The following LUC7L variants were observed in gnomAD, a reference collection of about 807,000 sequenced individuals.
LUC7L encodes the protein LUC7 like.
A neutral mutation model predicts 51.1 loss-of-function variants in LUC7L; 29 were observed. The ratio of observed to expected loss-of-function variants is 0.57; its 90% confidence interval spans 0.42 to 0.77. LUC7L has a LOEUF of 0.77. Ranked by LOEUF, LUC7L falls within the 30% of genes least tolerant of loss-of-function variation. The pLI, the probability that LUC7L is intolerant of heterozygous loss-of-function variation, is 0.00. For synonymous variants in LUC7L, 181 were observed against 180.7 expected (o/e 1.00, Z -0.01); for missense variants, 403 against 511.9 (o/e 0.79, Z 2.05).
chr16:194,785 C>T (rs1364710160), intron 6 of LUC7L, among the ~76,000 whole-genome samples: 1 of 152,122 alleles, frequency 6.6e-6, no homozygotes, highest in Non-Finnish European at 1.5e-5. Flanking sequence ...ATGAAAATAC[C>T]GTCAACACAA....
chr16:229,114 C>CCTTG (rs2050206506), intron 1 of LUC7L, 165 bp downstream of exon 1: 1 of 1,402,584 alleles, frequency 7.1e-7, no homozygotes, highest in African/African-American at 1.5e-5. Flanking sequence ...CAGAGACGCA[C>CCTTG]CGGCTTAGAC....
chr16:200,276 T>G (rs1009590799), intron 5 of LUC7L, among the ~76,000 whole-genome samples: 1 of 148,172 alleles, frequency 6.7e-6, no homozygotes, highest in African/African-American at 2.5e-5. Context: ...CAGAAAAAAT[T>G]AGCTGGGCGT....
At chr16:191,002 C>T (rs1173703807) in intron 7 of LUC7L, among the ~76,000 whole-genome samples, 1 of 152,192 alleles carries the variant, frequency 6.6e-6, no homozygotes, top group Non-Finnish European at 1.5e-5. Context: ...TTTCAAGCTG[C>T]CTGCATGTTC....
intron 9 of LUC7L, 99 bp from the exon 10 acceptor site, chr16:189,438 C>A: frequency 1.4e-6 from 2 of 1,459,700 alleles, no homozygotes; most frequent in Non-Finnish European, 1.8e-6. Flanking sequence ...CCAGGCAAGG[C>A]CCTACATCCC....
chr16:224,001 G>C lies in LUC7L; in HGVS notation c.156+3241C>G, dbSNP rs1188692413. 2.0e-5 allele frequency among the ~76,000 whole-genome samples: 3 copies of C among 152,040 alleles called. No individual in the cohort carries two copies. In the East Asian group the frequency reaches 5.8e-4, roughly 29 times the overall value. ...CCTCATTCACTCTTCTAAGTTGTGG[G>C]TGTTGTCCTTTAAAATATATAGTTT... On this transcript the variant is annotated intron_variant, in intron 2 of 9. Coordinates refer to ENST00000293872, the MANE Select transcript of LUC7L (RefSeq NM_201412.3).
At chr16:191,096 G>A (rs1050996724) in intron 7 of LUC7L, among the ~76,000 whole-genome samples, 1 of 152,070 alleles carries the variant, frequency 6.6e-6, no homozygotes, top group Non-Finnish European at 1.5e-5. Context: ...TCACAGACAG[G>A]CCCACATCCG....
At chr16:225,305 G>T (rs1159599659) in intron 2 of LUC7L, among the ~76,000 whole-genome samples, 1 of 151,800 alleles carries the variant, frequency 6.6e-6, no homozygotes, top group Non-Finnish European at 1.5e-5. Context: ...GGTCAACATG[G>T]TGAAACCCCG....
rs754436961 is a variant in LUC7L, at chr16:208,168, G to T, written c.276C>A (p.Ser92=). 1.4e-5 allele frequency: 22 copies of T among 1,612,922 alleles called. No individual in the cohort carries two copies. The African/African-American group carries it at 2.5e-4, about 19-fold the overall frequency. Residue 92 remains serine (S), a synonymous_variant, in exon 4 of 10, where the codon TCC becomes TCA. Coordinates refer to ENST00000293872, the MANE Select transcript of LUC7L (RefSeq NM_201412.3). ...FELDAMDHLE[S]FIAECDRRTE... The stretch of plus-strand genomic sequence containing the variant: ...TTCTCCGATCACATTCAGCAATAAA[G>T]GACTCCAAGTGATCCATTGCCTAGC...
intron 3 of LUC7L, among the ~76,000 whole-genome samples, chr16:209,967 A>G (rs912874118): frequency 2.6e-5 from 4 of 152,216 alleles, no homozygotes; most frequent in Admixed American, 6.5e-5. Flanking sequence ...TGACTCCCAG[A>G]TATCACTCCA....
intron 3 of LUC7L, among the ~76,000 whole-genome samples, chr16:214,605 C>A (rs960440243): frequency 6.6e-6 from 1 of 152,220 alleles, no homozygotes; most frequent in Non-Finnish European, 1.5e-5. Flanking sequence ...CAGCTCACTT[C>A]AGCCTTGATC....
intron 3 of LUC7L, among the ~76,000 whole-genome samples, chr16:210,282 C>T (rs1381900348): frequency 6.6e-6 from 1 of 152,004 alleles, no homozygotes; most frequent in Non-Finnish European, 1.5e-5. Flanking sequence ...AGCGAGACTC[C>T]CTCTCAAAAA....
intron 2 of LUC7L, among the ~76,000 whole-genome samples, chr16:222,474 T>C (rs766079017): frequency 9.2e-5 from 14 of 151,832 alleles, no homozygotes; most frequent in South Asian, 2.1e-4. Context: ...CCTGTCTCTA[T>C]GAAAAAATTA....
chr16:229,426 G>A lies in LUC7L; in HGVS notation c.-87C>T, dbSNP rs1340695989. On this transcript the variant is annotated 5_prime_UTR_variant, in exon 1 of 10. Coordinates refer to ENST00000293872, the MANE Select transcript of LUC7L (RefSeq NM_201412.3). ...GGCGTCGACAAACGATGGTCGCGTC[G>A]GCCTCGAGCCCACTCGGCTCTTTCC... 5 of 1,238,060 alleles carry A rather than the reference G, an allele frequency of 4.0e-6. No homozygotes were observed. The highest frequency in any genetic ancestry group is 5.4e-6 in the Non-Finnish European group (5 of 929,626). The allele number at this position is 1,238,060 out of a possible 1,614,324, so 76.7% of individuals were successfully genotyped here.
At chr16:203,337 GA>G (rs1282174820) in intron 5 of LUC7L, among the ~76,000 whole-genome samples, 9 of 152,136 alleles carry the variant, frequency 5.9e-5, no homozygotes, top group Admixed American at 6.6e-5. Flanking sequence ...ATCGCTTTCA[GA>G]AAATAGAAGC....
chr16:208,496 G>C (rs891965648), intron 3 of LUC7L: 4 of 490,398 alleles, frequency 8.2e-6, no homozygotes, highest in Admixed American at 6.0e-5. Flanking sequence ...TAAAACACTT[G>C]GCAGCAATTC....
Position 216,504 on chromosome 16 carries a change from T to A in LUC7L, c.255+4145A>T, listed in dbSNP as rs1478122199. Among the ~76,000 whole-genome samples, 4 of 148,208 alleles carry A rather than the reference T, an allele frequency of 2.7e-5. No homozygotes were observed. In the Admixed American group the frequency reaches 2.7e-4, roughly 10 times the overall value. Reference sequence around the variant, plus strand: ...TTCCAGTGATTCTCCTGCCTCAGCCTCCCAAGTAGCTGGGACTACAGGTGC... The same window carrying A: ...TTCCAGTGATTCTCCTGCCTCAGCCACCCAAGTAGCTGGGACTACAGGTGC... On this transcript the variant is annotated intron_variant, in intron 3 of 9. Transcript: ENST00000293872.
chr16:229,351 G>T lies in LUC7L; in HGVS notation c.-12C>A, dbSNP rs377574098. ...GCCTGGGCGGACATGGTAGCCGGCG[G>T]AGGCGACGGGGTCGGCCGCGACGAC... On this transcript the variant is annotated 5_prime_UTR_variant, in exon 1 of 10. Transcript: ENST00000293872. 3,576 of 1,497,656 alleles carry T rather than the reference G, an allele frequency of 2.4e-3. 7 individuals are homozygous for T. Among genetic ancestry groups the T allele is most frequent in the Non-Finnish European group, 2.8e-3 (3,199 of 1,126,368 alleles). The allele number at this position is 1,497,656 out of a possible 1,614,324, so 92.8% of individuals were successfully genotyped here.
intron 6 of LUC7L, among the ~76,000 whole-genome samples, chr16:194,563 A>G (rs2049101161): frequency 6.6e-6 from 1 of 152,202 alleles, no homozygotes; most frequent in African/African-American, 2.4e-5. Context: ...CATCAAACAC[A>G]TCTTGCTACT....
intron 3 of LUC7L, among the ~76,000 whole-genome samples, chr16:213,750 T>G (rs1166539022): frequency 6.6e-6 from 1 of 152,066 alleles, no homozygotes; most frequent in African/African-American, 2.4e-5. Context: ...AGTCTCGCAC[T>G]GTTTCCTGGA....
Sources: gnomAD v4.1 joint callset for allele counts (sites outside exome capture counted in the v4.1 genomes callset) on GRCh38, gnomAD v4.1.1 for gene constraint, MANE v1.5 for transcripts, NCBI Gene and HGNC (gene_info 2026-07-23, HGNC 2026-07-21) for gene names.